The following SOX5 variants were observed in gnomAD, a reference collection of about 807,000 sequenced individuals.
SOX5 encodes transcription factor SOX-5.
In SOX5, 9 loss-of-function variants were observed where a neutral mutation model predicts 92.0. The ratio of observed to expected loss-of-function variants is 0.10; its 90% confidence interval spans 0.06 to 0.17. The LOEUF (loss-of-function observed/expected upper bound fraction) is 0.17, where lower values mean the gene tolerates loss of function less well. Ranked by LOEUF, SOX5 falls within the 10% of genes least tolerant of loss-of-function variation. The probability of loss-of-function intolerance (pLI) is 1.00; values close to 1 mark genes in which losing one functional copy is unlikely to be tolerated. For synonymous variants in SOX5, 344 were observed against 336.3 expected, an observed-to-expected ratio of 1.02 and a Z score of -0.25; for missense variants, 642 against 944.5, an observed-to-expected ratio of 0.68 and a Z score of 4.20.
chr12:24,467,242 C>T (rs1944326107), intron 1 of SOX5, among the ~76,000 whole-genome samples: 1 of 152,194 alleles, frequency 6.6e-6, no homozygotes, highest in African/African-American at 2.4e-5. Flanking sequence ...TAAGCACCAG[C>T]TCTGTGTCAA....
At chr12:24,191,911 G>A (rs940815386) in intron 4 of SOX5, among the ~76,000 whole-genome samples, 5 of 152,152 alleles carry the variant, frequency 3.3e-5, no homozygotes, top group Admixed American at 6.5e-5. Context: ...ATACAGAATC[G>A]AGATCAGGTT....
intron 3 of SOX5, among the ~76,000 whole-genome samples, chr12:24,259,934 T>G (rs946344951): frequency 2.6e-5 from 4 of 152,178 alleles, no homozygotes; most frequent in Admixed American, 1.3e-4. Context: ...AGAAGTTTGA[T>G]GTTGGATTTG....
intron 2 of SOX5, among the ~76,000 whole-genome samples, chr12:24,319,873 C>T (rs550213481): frequency 1.1e-4 from 16 of 152,330 alleles, no homozygotes; most frequent in African/African-American, 3.6e-4. Context: ...CTCACTCAAA[C>T]GTCACCTCTT....
chr12:24,454,734 A>G (rs1316271784), intron 1 of SOX5, among the ~76,000 whole-genome samples: 1 of 152,192 alleles, frequency 6.6e-6, no homozygotes, highest in African/African-American at 2.4e-5. Context: ...GCACCCTTCC[A>G]TATAATGGTA....
At chr12:24,346,043 C>G (rs577864426) in intron 2 of SOX5, among the ~76,000 whole-genome samples, 1 of 152,362 alleles carries the variant, frequency 6.6e-6, no homozygotes, top group South Asian at 2.1e-4. Context: ...ACTTATACTT[C>G]ATCAACATTA....
chr12:24,175,091 A>G (rs1190230017), intron 4 of SOX5, among the ~76,000 whole-genome samples: 4 of 152,212 alleles, frequency 2.6e-5, no homozygotes, highest in Non-Finnish European at 5.9e-5. Flanking sequence ...GAGCATGCAA[A>G]TATTTTCAAC....
At chr12:24,384,599 A>G (rs1251568730) in intron 1 of SOX5, among the ~76,000 whole-genome samples, 1 of 152,240 alleles carries the variant, frequency 6.6e-6, no homozygotes, top group Non-Finnish European at 1.5e-5. Context: ...GAACTAATTT[A>G]TCTGTGAAAT....
intron 8 of SOX5, among the ~76,000 whole-genome samples, chr12:23,621,410 CAG>C: frequency 6.6e-6 from 1 of 152,046 alleles, no homozygotes; most frequent in Non-Finnish European, 1.5e-5. Context: ...TAATGCTACA[CAG>C]AACTGTACAC....
intron 2 of SOX5, among the ~76,000 whole-genome samples, chr12:24,296,551 G>A (rs1393730376): frequency 6.6e-6 from 1 of 152,086 alleles, no homozygotes; most frequent in Non-Finnish European, 1.5e-5. Flanking sequence ...AAGCATATGT[G>A]GATATTTATA....
chr12:23,702,751 A>AGTGT (rs144961077), intron 6 of SOX5, among the ~76,000 whole-genome samples: 29 of 149,368 alleles, frequency 1.9e-4, no homozygotes, highest in South Asian at 8.4e-4. Flanking sequence ...AGAAACAGAG[A>AGTGT]GTGTGTGTGT....
chr12:24,241,248 G>T (rs1292449806), intron 3 of SOX5, among the ~76,000 whole-genome samples: 2 of 152,138 alleles, frequency 1.3e-5, no homozygotes, highest in African/African-American at 4.8e-5. Flanking sequence ...TACTAGTTAA[G>T]ATGAATCTAG....
rs192004568 is a variant in SOX5 at position 24,084,136 on chromosome 12, C to T, written c.-2+129207G>A. On this transcript the variant is annotated intron_variant, in intron 4 of 4. Coordinates refer to the SOX5 transcript ENST00000446891. ...AGTCAACATGATCTGAACAGGTTTA[C>T]ATTAGTCTGGATGTATCTATAAGGT... 5.3e-5 allele frequency among the ~76,000 whole-genome samples: 8 copies of T among 152,150 alleles called. No individual in the cohort carries two copies. The East Asian group carries it at 1.5e-3, about 29-fold the overall frequency.
chr12:24,300,518 C>A (rs1044436766), intron 2 of SOX5, among the ~76,000 whole-genome samples: 1 of 152,114 alleles, frequency 6.6e-6, no homozygotes, highest in African/African-American at 2.4e-5. Flanking sequence ...ATCCACTGAG[C>A]GGTATAACAG....
At chr12:23,620,141 A>G (rs1163009034) in intron 8 of SOX5, among the ~76,000 whole-genome samples, 1 of 152,154 alleles carries the variant, frequency 6.6e-6, no homozygotes, top group African/African-American at 2.4e-5. Context: ...ATGAGCTGAT[A>G]TAATTACATA....
chr12:24,039,602 T>C (rs1160677207), intron 4 of SOX5, among the ~76,000 whole-genome samples: 1 of 152,198 alleles, frequency 6.6e-6, no homozygotes, highest in Non-Finnish European at 1.5e-5. Flanking sequence ...TAGTTAAAGT[T>C]CAAATGGTTG....
intron 1 of SOX5, among the ~76,000 whole-genome samples, chr12:23,922,779 G>A (rs562284409): frequency 6.6e-6 from 1 of 152,060 alleles, no homozygotes; most frequent in African/African-American, 2.4e-5. Flanking sequence ...CTTGGCATGA[G>A]GAAATAAAGA....
intron 4 of SOX5, among the ~76,000 whole-genome samples, chr12:24,199,014 A>G (rs547426075): frequency 6.6e-6 from 1 of 152,310 alleles, no homozygotes; most frequent in South Asian, 2.1e-4. Context: ...GGCTGCACAA[A>G]TGATCAAGGT....
chr12:24,166,659 T>C (rs1001464214), intron 4 of SOX5, among the ~76,000 whole-genome samples: 2 of 152,212 alleles, frequency 1.3e-5, no homozygotes, highest in East Asian at 1.9e-4. Context: ...CTATTTTTGC[T>C]TATTTTAATT....
At chr12:24,184,433 G>A (rs752808845) in intron 4 of SOX5, among the ~76,000 whole-genome samples, 14 of 152,126 alleles carry the variant, frequency 9.2e-5, no homozygotes, top group Non-Finnish European at 1.8e-4. Flanking sequence ...ACAACCTATG[G>A]CATAAGCACA....
Sources: allele counts gnomAD v4.1 joint callset (sites outside exome capture counted in the v4.1 genomes callset), GRCh38; gene constraint gnomAD v4.1.1; transcripts MANE v1.5; gene names NCBI Gene and HGNC (gene_info 2026-07-23, HGNC 2026-07-21).